The following ATAD5 variants were observed in gnomAD, a reference collection of about 807,000 sequenced individuals.
The protein encoded by ATAD5 is ATPase family AAA domain-containing protein 5.
Under a neutral mutation model 176.9 loss-of-function variants are expected in ATAD5, and 58 were observed. The observed-to-expected ratio is 0.33, with a 90% CI of 0.27 to 0.41. The LOEUF is 0.41. ATAD5 is among the 10% of genes least tolerant of loss of function. The pLI is 1.00. For missense variants in ATAD5, 1,789 were observed against 2,094.1 expected (o/e 0.85, Z 2.84); for synonymous variants, 640 against 712.6 (o/e 0.90, Z 1.62).
chr17:30,873,571 G>A (rs942115904), intron 14 of ATAD5, among the ~76,000 whole-genome samples: 1 of 151,944 alleles, frequency 6.6e-6, no homozygotes, highest in African/African-American at 2.4e-5. Context: ...ATCTGCCTTG[G>A]ATTCTTGAAG....
At chr17:30,857,444 T>G (rs953292193) in intron 8 of ATAD5, among the ~76,000 whole-genome samples, 3 of 152,070 alleles carry the variant, frequency 2.0e-5, no homozygotes, top group Admixed American at 2.0e-4. Flanking sequence ...TTGAACTCCC[T>G]ACTTCAGGTG....
intron 7 of ATAD5, 96 bp from the exon 8 acceptor site, chr17:30,856,859 T>C (rs2142363518): frequency 4.3e-6 from 5 of 1,156,866 alleles, no homozygotes; most frequent in African/African-American, 1.6e-5. Flanking sequence ...GTGTTAATTA[T>C]GTAGTTGTCA....
chr17:30,880,108 C>G (rs1399637476), intron 18 of ATAD5, among the ~76,000 whole-genome samples: 1 of 151,360 alleles, frequency 6.6e-6, no homozygotes, highest in Non-Finnish European at 1.5e-5. Flanking sequence ...TCGAGACTAG[C>G]TTGGGCAACA....
chr17:30,885,120 T>A lies in ATAD5; in HGVS notation c.4078-2072T>A, dbSNP rs146600642. ...GTTCTTTTCCTTTGTCGTTGCTAAA[T>A]TCTCTTATTAGTTATAGTAGTTATT... On this transcript the variant is annotated intron_variant, in intron 18 of 22. Transcript: ENST00000321990. Among the ~76,000 whole-genome samples the A allele has an allele frequency of 9.1e-4, 139 of 152,346 alleles. 1 individual carries two copies. The highest frequency in any genetic ancestry group is 3.1e-3 in the African/African-American group (131 of 41,596).
intron 18 of ATAD5, among the ~76,000 whole-genome samples, chr17:30,879,749 A>C (rs1278360619): frequency 2.0e-5 from 3 of 151,896 alleles, no homozygotes; most frequent in Non-Finnish European, 4.4e-5. Context: ...TTTTTAGTAG[A>C]GACGGAGTTT....
In ATAD5 at chr17:30,840,637, C is replaced by T. The variant is rs1943737586; in HGVS notation, c.2097C>T (p.Asn699=). 6.5e-7 allele frequency: 1 copy of T among 1,547,992 alleles called. No individual in the cohort carries two copies. Among genetic ancestry groups the T allele is most frequent in the Non-Finnish European group, 8.7e-7 (1 of 1,148,036 alleles). ...TTTAGGCAAGCAATACTTCAAAAAA[C>T]ATATCAAAAGCAAAACAATTGATTG... ...QIRKASNTSK[N]ISKAKQLIEK... Residue 699 remains asparagine (N), a synonymous_variant, in exon 4 of 23, where the codon AAC becomes AAT. Transcript: ENST00000321990.
chr17:30,852,123 A>G (rs1037187236), intron 6 of ATAD5, among the ~76,000 whole-genome samples: 3 of 152,224 alleles, frequency 2.0e-5, no homozygotes, highest in East Asian at 1.9e-4. Flanking sequence ...GTTGGCTGCT[A>G]TAAGAGCTTT....
At chr17:30,836,971 GTCTA>G (rs1455851610) in intron 2 of ATAD5, among the ~76,000 whole-genome samples, 2 of 152,020 alleles carry the variant, frequency 1.3e-5, no homozygotes, top group East Asian at 3.8e-4. Flanking sequence ...GTTCTTTGCT[GTCTA>G]TCTATCTGTC....
At chr17:30,859,632 A>T (rs1258295866) in intron 9 of ATAD5, among the ~76,000 whole-genome samples, 1 of 152,106 alleles carries the variant, frequency 6.6e-6, no homozygotes, top group African/African-American at 2.4e-5. Flanking sequence ...AATTGCTGGG[A>T]TTATAGGCAT....
rs1325864843 is a variant in ATAD5 at position 30,831,992 on chromosome 17, T to A, written c.-356T>A. The A allele has an allele frequency of 3.0e-6, 1 of 336,632 alleles. No homozygotes were observed. Among genetic ancestry groups the A allele is most frequent in the Non-Finnish European group, 5.3e-6 (1 of 187,254 alleles). 20.9% of individuals were successfully genotyped at this position (336,632 alleles called of 1,614,324 possible). On this transcript the variant is annotated 5_prime_UTR_variant, in exon 1 of 23. It adds an upstream start codon to the 5' untranslated region. Coordinates refer to ENST00000321990, the MANE Select transcript of ATAD5 (RefSeq NM_024857.5). ...CGCGCAGGACGGCGCGAAAACCCAA[T>A]TGACAAGAATTCCCTCCGAAGCTCT...
intron 11 of ATAD5, 88 bp downstream of exon 11, chr17:30,865,888 ATC>A: frequency 1.4e-6 from 1 of 726,530 alleles, no homozygotes; most frequent in Non-Finnish European, 2.1e-6. Flanking sequence ...AAAGTAATAT[ATC>A]TCATGATAAA....
At position 30,860,628 on chromosome 17, in the gene ATAD5, C is replaced by T; in HGVS notation, c.3136+16C>T. ...TCTTCCAAAGGTATATTTTCTAAAA[C>T]ATCCCAAAAGAAATAGATTGCTTTG... On this transcript the variant is annotated intron_variant, in intron 10 of 22. Transcript: ENST00000321990. The T allele has an allele frequency of 6.5e-7, 1 of 1,532,020 alleles. No individual in the cohort carries two copies. The highest frequency in any genetic ancestry group is 8.7e-7 in the Non-Finnish European group (1 of 1,148,886). The allele number at this position is 1,532,020 out of a possible 1,614,324, so 94.9% of individuals were successfully genotyped here.
chr17:30,892,425 T>TAAAAAAAA (rs67654723), intron 19 of ATAD5, among the ~76,000 whole-genome samples, 182 bp from the exon 20 acceptor site: 1 of 133,272 alleles, frequency 7.5e-6, no homozygotes. Context: ...ACTCTGTCTT[T>TAAAAAAAA]AAAAAAAAAA....
At chr17:30,870,329 T>G (rs571078394) in intron 14 of ATAD5, among the ~76,000 whole-genome samples, 1 of 152,372 alleles carries the variant, frequency 6.6e-6, no homozygotes, top group South Asian at 2.1e-4. Flanking sequence ...CTGAGTCATT[T>G]GTCATGAAAT....
intron 10 of ATAD5, among the ~76,000 whole-genome samples, chr17:30,865,228 A>G (rs1463498651): frequency 1.4e-5 from 2 of 147,696 alleles, no homozygotes; most frequent in Non-Finnish European, 3.0e-5. Context: ...GCTAGAGTGC[A>G]GTGGCGCGAT....
chr17:30,845,036 C>A, intron 6 of ATAD5, 120 bp downstream of exon 6: 1 of 911,476 alleles, frequency 1.1e-6, no homozygotes, highest in Non-Finnish European at 1.6e-6. Flanking sequence ...AGTCCAGTTT[C>A]AAAGTTGACA....
At chr17:30,883,300 AT>A (rs935221438) in intron 18 of ATAD5, among the ~76,000 whole-genome samples, 1 of 151,256 alleles carries the variant, frequency 6.6e-6, no homozygotes, top group Non-Finnish European at 1.5e-5. Flanking sequence ...AATTAAAAAA[AT>A]TTTTTTGTAG....
intron 6 of ATAD5, among the ~76,000 whole-genome samples, 159 bp from the exon 7 acceptor site, chr17:30,854,984 C>A (rs1023335049): frequency 3.9e-5 from 6 of 152,052 alleles, no homozygotes; most frequent in African/African-American, 1.4e-4. Context: ...GTCTGGAAAT[C>A]CTTGCCTTAA....
intron 19 of ATAD5, among the ~76,000 whole-genome samples, chr17:30,887,880 A>AGAGT (rs1416008844): frequency 6.6e-6 from 1 of 152,072 alleles, no homozygotes; most frequent in Non-Finnish European, 1.5e-5. Flanking sequence ...TGCCTGGGCT[A>AGAGT]GAGTGCAGTG....
Sources: gnomAD v4.1 joint callset for allele counts (sites outside exome capture counted in the v4.1 genomes callset) on GRCh38, gnomAD v4.1.1 for gene constraint, MANE v1.5 for transcripts, NCBI Gene and HGNC (gene_info 2026-07-23, HGNC 2026-07-21) for gene names.